NPFFR2: variants seen among roughly 807,000 people sequenced by gnomAD.
The protein encoded by NPFFR2 is neuropeptide FF receptor 2.
NPFFR2 carries 15 observed loss-of-function variants against 13.1 expected under a neutral mutation model. The observed-to-expected ratio is 1.15, with a 90% confidence interval of 0.77 to 1.76. NPFFR2 has a LOEUF of 1.76. NPFFR2 is among the 40% of genes most tolerant of loss of function. NPFFR2 has a pLI of 0.00. For synonymous variants in NPFFR2, 190 were observed against 175.7 expected (o/e 1.08, Z -0.65); for missense variants, 572 against 503.5 (o/e 1.14, Z -1.30).
chr4:72,101,277 G>A (rs549829877), intron 1 of NPFFR2, among the ~76,000 whole-genome samples: 4 of 151,834 alleles, frequency 2.6e-5, no homozygotes, highest in Non-Finnish European at 5.9e-5. Flanking sequence ...ATATTCCTAT[G>A]CCTATCCAAT....
At chr4:72,099,150 A>T (rs906042252) in intron 1 of NPFFR2, among the ~76,000 whole-genome samples, 3 of 152,148 alleles carry the variant, frequency 2.0e-5, no homozygotes, top group Non-Finnish European at 2.9e-5. Flanking sequence ...TACAAGTATA[A>T]AAACCTCTCT....
At chr4:72,115,221 T>C (rs1039355890) in intron 1 of NPFFR2, among the ~76,000 whole-genome samples, 1 of 152,176 alleles carries the variant, frequency 6.6e-6, no homozygotes, top group African/African-American at 2.4e-5. Context: ...TTCAATAAAT[T>C]ATATTTGTAG....
intron 1 of NPFFR2, among the ~76,000 whole-genome samples, chr4:72,050,333 C>T (rs1320021736): frequency 1.3e-5 from 2 of 151,992 alleles, no homozygotes; most frequent in Non-Finnish European, 2.9e-5. Flanking sequence ...CTGAATGGAA[C>T]CCTCTTCTTT....
rs376376553 is a variant in NPFFR2 at position 72,133,936 on chromosome 4, A to G, written c.329-4104A>G. Among the ~76,000 whole-genome samples the G allele has an allele frequency of 3.2e-3, 447 of 139,748 alleles. 1 individual carries two copies. The highest frequency in any genetic ancestry group is 0.012 in the Middle Eastern group (3 of 254). 91.7% of individuals were successfully genotyped at this position (139,748 alleles called of 152,430 possible). On this transcript the variant is annotated intron_variant, in intron 2 of 3. Transcript: ENST00000308744. ...ATATTTTGTCCCATACATATTTTAAATTACATTAATTAGTTTAAAGTTCTT... is the reference window on the plus strand; with the variant it reads ...ATATTTTGTCCCATACATATTTTAAGTTACATTAATTAGTTTAAAGTTCTT...
At chr4:72,032,881 A>G (rs1272372325) in intron 1 of NPFFR2, among the ~76,000 whole-genome samples, 2 of 152,244 alleles carry the variant, frequency 1.3e-5, no homozygotes, top group African/African-American at 4.8e-5. Flanking sequence ...ACTACTAACT[A>G]AAAACCAAAA....
In NPFFR2 at chr4:72,091,149, A is replaced by G. The variant is rs1374685611; in HGVS notation, c.-7-37436A>G. Among the ~76,000 whole-genome samples the G allele has an allele frequency of 4.6e-5, 7 of 152,188 alleles. No homozygotes were observed. The South Asian group carries it at 1.5e-3, about 32-fold the overall frequency. ...GTGTATTACATTTATGGACTTGTGT[A>G]TGTTCAACCAGCTCTGCATCCCTGG... is the stretch of plus-strand genomic sequence containing the variant. On this transcript the variant is annotated intron_variant, in intron 1 of 3. Transcript: ENST00000308744.
intron 1 of NPFFR2, among the ~76,000 whole-genome samples, chr4:72,096,969 T>C (rs1478466772): frequency 6.6e-6 from 1 of 152,048 alleles, no homozygotes. Context: ...AGTTGTTCTA[T>C]AGACAATTTA....
chr4:72,136,702 C>G (rs1262879313), intron 2 of NPFFR2, among the ~76,000 whole-genome samples: 2 of 152,144 alleles, frequency 1.3e-5, no homozygotes, highest in African/African-American at 4.8e-5. Context: ...TCGCTTAATC[C>G]TTCTGCATCA....
intron 1 of NPFFR2, among the ~76,000 whole-genome samples, chr4:72,074,659 T>C (rs1461499884): frequency 1.3e-5 from 2 of 151,914 alleles, no homozygotes; most frequent in Admixed American, 6.6e-5. Flanking sequence ...ATGACAGAAA[T>C]AAGACCCTAC....
In NPFFR2 at chr4:72,147,889, C is replaced by G; in HGVS notation, c.*77C>G. The G allele has an allele frequency of 9.3e-7, 1 of 1,080,814 alleles. No individual in the cohort carries two copies. Among genetic ancestry groups the G allele is most frequent in the Non-Finnish European group, 1.3e-6 (1 of 787,760 alleles). The allele number at this position is 1,080,814 out of a possible 1,614,324, so 67.0% of individuals were successfully genotyped here. ...CATTGCTTTTTGTGGCTTTGCACTT[C>G]AAATTTTTCAAAGAATGTTCTAAAT... On this transcript the variant is annotated 3_prime_UTR_variant, in exon 4 of 4. Transcript: ENST00000308744.
chr4:72,037,290 C>A (rs116458037), intron 1 of NPFFR2, among the ~76,000 whole-genome samples: 1 of 150,500 alleles, frequency 6.6e-6, no homozygotes, highest in African/African-American at 2.4e-5. Flanking sequence ...TCTAGCAACT[C>A]GGGAAGTTAA....
At chr4:72,042,990 G>A (rs1278913703) in intron 1 of NPFFR2, among the ~76,000 whole-genome samples, 3 of 152,194 alleles carry the variant, frequency 2.0e-5, no homozygotes, top group African/African-American at 7.2e-5. Context: ...GCCTAGGAGG[G>A]AAAAATGGTT....
intron 1 of NPFFR2, among the ~76,000 whole-genome samples, chr4:72,040,317 A>G (rs1719171481): frequency 6.6e-6 from 1 of 152,028 alleles, no homozygotes; most frequent in Non-Finnish European, 1.5e-5. Context: ...ATTCAAGTGG[A>G]GTTTTAAAAC....
intron 1 of NPFFR2, among the ~76,000 whole-genome samples, chr4:72,084,326 T>C (rs1190933978): frequency 6.6e-6 from 1 of 152,152 alleles, no homozygotes; most frequent in Non-Finnish European, 1.5e-5. Flanking sequence ...ATGTTGTAGC[T>C]GGGAAACTGC....
intron 1 of NPFFR2, among the ~76,000 whole-genome samples, chr4:72,086,239 C>T (rs1408055118): frequency 2.6e-5 from 4 of 151,908 alleles, no homozygotes; most frequent in Non-Finnish European, 4.4e-5. Flanking sequence ...TGTGAACTAG[C>T]GAAGTCCATA....
chr4:72,123,738 A>G (rs994233346), intron 1 of NPFFR2, among the ~76,000 whole-genome samples: 13 of 152,230 alleles, frequency 8.5e-5, no homozygotes, highest in African/African-American at 3.1e-4. Flanking sequence ...AACTCTCAAT[A>G]AACTAGATAT....
At chr4:72,137,076 C>A (rs2109842750) in intron 2 of NPFFR2, among the ~76,000 whole-genome samples, 1 of 152,194 alleles carries the variant, frequency 6.6e-6, no homozygotes. Flanking sequence ...CATTTTAGAA[C>A]TGAAAAAGAC....
chr4:72,077,852 A>G (rs1490767848), intron 1 of NPFFR2, among the ~76,000 whole-genome samples: 5 of 152,208 alleles, frequency 3.3e-5, no homozygotes, highest in African/African-American at 1.2e-4. Flanking sequence ...GTGTTTTTGT[A>G]AAAAATAGAT....
rs1184298673 is a variant in NPFFR2 at position 72,111,965 on chromosome 4, A to G, written c.-7-16620A>G. 2.6e-5 allele frequency among the ~76,000 whole-genome samples: 4 copies of G among 151,918 alleles called. No homozygotes were observed. The East Asian group carries it at 7.7e-4, about 29-fold the overall frequency. On this transcript the variant is annotated intron_variant, in intron 1 of 3. Transcript: ENST00000308744. ...TACTGAACATTGAAAACCTCTATCTAGTCATTTTAGAGGCTTTGCCTACCA... is the reference window on the plus strand; with the variant it reads ...TACTGAACATTGAAAACCTCTATCTGGTCATTTTAGAGGCTTTGCCTACCA...
Sources: allele counts gnomAD v4.1 joint callset (sites outside exome capture counted in the v4.1 genomes callset), GRCh38; gene constraint gnomAD v4.1.1; transcripts MANE v1.5; gene names NCBI Gene and HGNC (gene_info 2026-07-23, HGNC 2026-07-21).